The following AMBN variants were observed in gnomAD, a reference collection of about 807,000 sequenced individuals.
The protein encoded by AMBN is enamel matrix protein.
In AMBN, 54 loss-of-function variants were observed where a neutral mutation model predicts 48.0. The ratio of observed to expected loss-of-function variants is 1.12; its 90% confidence interval spans 0.90 to 1.41. The LOEUF (loss-of-function observed/expected upper bound fraction) is 1.41, where lower values mean the gene tolerates loss of function less well. Among genes scored for constraint, AMBN ranks in the 40% most tolerant of loss-of-function variants. The probability of loss-of-function intolerance (pLI) is 0.00; values close to 1 mark genes in which losing one functional copy is unlikely to be tolerated. For synonymous variants in AMBN, 186 were observed against 190.0 expected, an observed-to-expected ratio of 0.98 and a Z score of 0.17; for missense variants, 571 against 547.3, an observed-to-expected ratio of 1.04 and a Z score of -0.43.
intron 12 of AMBN, 67 bp from the exon 13 acceptor site, chr4:70,606,118 G>A: frequency 6.4e-7 from 1 of 1,557,768 alleles, no homozygotes; most frequent in Non-Finnish European, 8.7e-7. Flanking sequence ...ATGTGACCAG[G>A]TATAGCTGCA....
At chr4:70,593,616 G>A (rs1381475940) in intron 2 of AMBN, among the ~76,000 whole-genome samples, 1 of 152,158 alleles carries the variant, frequency 6.6e-6, no homozygotes, top group African/African-American at 2.4e-5. Flanking sequence ...TGTAATCCCA[G>A]CACTTTGGGA....
At position 70,606,686 on chromosome 4, in the gene AMBN, G is replaced by C. The variant is rs1737664323; in HGVS notation, c.1300G>C (p.Glu434Gln). Residue 434 changes from glutamate to glutamine, a missense_variant, in exon 13 of 13, where the codon GAG (glutamate) becomes CAG (glutamine). By Grantham distance (29) the Glu-to-Gln change is conservative. Coordinates refer to ENST00000322937, the MANE Select transcript of AMBN (RefSeq NM_016519.6). ...QTSMPGNKAQ[E>Q]PEMMHDAWHF... ...ATCCATGCCAGGAAACAAAGCCCAG[G>C]AGCCCGAGATGATGCATGACGCATG... The C allele has an allele frequency of 6.2e-7, 1 of 1,613,912 alleles. No homozygotes were observed. Among genetic ancestry groups the C allele is most frequent in the Admixed American group, 1.7e-5 (1 of 60,002 alleles).
intron 6 of AMBN, chr4:70,601,882 C>T (rs1419127740): frequency 1.6e-6 from 1 of 638,894 alleles, no homozygotes; most frequent in East Asian, 3.2e-5. Flanking sequence ...AGATACTGTG[C>T]CTATAAAACT....
At chr4:70,601,691 A>G (rs764991108) in intron 6 of AMBN, 37 bp downstream of exon 6, 1 of 1,590,640 alleles carries the variant, frequency 6.3e-7, no homozygotes, top group East Asian at 2.2e-5. Flanking sequence ...CAGAATCACC[A>G]GCTAACCTAA....
At chr4:70,596,383 A>G (rs1737385889) in intron 2 of AMBN, among the ~76,000 whole-genome samples, 1 of 152,140 alleles carries the variant, frequency 6.6e-6, no homozygotes, top group Non-Finnish European at 1.5e-5. Flanking sequence ...GTATAATAGT[A>G]TTTTGTGCTA....
Position 70,601,247 on chromosome 4 carries a change from C to T in AMBN, c.295-171C>T, listed in dbSNP as rs1242893677. 3.3e-5 allele frequency among the ~76,000 whole-genome samples: 5 copies of T among 152,038 alleles called. No individual in the cohort carries two copies. In the South Asian group the frequency reaches 1.0e-3, roughly 32 times the overall value. On this transcript the variant is annotated intron_variant, in intron 5 of 12. Coordinates refer to ENST00000322937, the MANE Select transcript of AMBN (RefSeq NM_016519.6). The stretch of plus-strand genomic sequence containing the variant: ...TAGGGGAGGCACACACAAGACCTCC[C>T]CAAACAACATTAACACTAACTGGTG...
rs1487918357 is a variant in AMBN, at chr4:70,592,289, GA to G, written c.-63del. 6 of 1,571,716 alleles carry G rather than the reference GA, an allele frequency of 3.8e-6. No homozygotes were observed. Among genetic ancestry groups the G allele is most frequent in the African/African-American group, 2.7e-5 (2 of 73,892 alleles). On this transcript the variant is annotated 5_prime_UTR_variant, in exon 1 of 13. Coordinates refer to ENST00000322937, the MANE Select transcript of AMBN (RefSeq NM_016519.6). ...CAGAGCAAGTCCCACGCACAGTCCTGAAAAAAATTTTAATCTTCTTTTCTTA... is the reference window on the plus strand; with the variant it reads ...CAGAGCAAGTCCCACGCACAGTCCTGAAAAAATTTTAATCTTCTTTTCTTA...
intron 11 of AMBN, 95 bp downstream of exon 11, chr4:70,603,555 A>G (rs2109804329): frequency 7.9e-7 from 1 of 1,260,212 alleles, no homozygotes; most frequent in South Asian, 1.3e-5. Context: ...GAGATTCCAA[A>G]TAAACATTCT....
intron 4 of AMBN, among the ~76,000 whole-genome samples, chr4:70,598,619 G>A (rs1010310957): frequency 1.3e-5 from 2 of 152,082 alleles, no homozygotes; most frequent in African/African-American, 2.4e-5. Context: ...ATCTTTTCCT[G>A]CATTATTAAT....
chr4:70,601,674 G>T lies in AMBN; in HGVS notation c.531+20G>T. ...CCTGAGGTACTTCCTTTCTCTTGAA[G>T]TCAGATCAGAATCACCAGCTAACCT... On this transcript the variant is annotated intron_variant, in intron 6 of 12. Transcript: ENST00000322937. 6.2e-7 allele frequency: 1 copy of T among 1,608,318 alleles called. No homozygotes were observed. The highest frequency in any genetic ancestry group is 8.5e-7 in the Non-Finnish European group (1 of 1,175,728).
At chr4:70,593,840 G>A (rs932189724) in intron 2 of AMBN, among the ~76,000 whole-genome samples, 1 of 148,218 alleles carries the variant, frequency 6.7e-6, no homozygotes, top group Non-Finnish European at 1.5e-5. Flanking sequence ...ACTCCAGCCT[G>A]GGTGACGGAG....
At chr4:70,593,209 C>A in intron 1 of AMBN, 118 bp from the exon 2 acceptor site, 1 of 716,472 alleles carries the variant, frequency 1.4e-6, no homozygotes. Context: ...GTTCTTCTAA[C>A]CTTTATCCCG....
At chr4:70,606,123 G>A (rs1188994664) in intron 12 of AMBN, 62 bp from the exon 13 acceptor site, 1 of 1,561,120 alleles carries the variant, frequency 6.4e-7, no homozygotes, top group African/African-American at 1.4e-5. Context: ...ACCAGGTATA[G>A]CTGCATGGTA....
intron 2 of AMBN, among the ~76,000 whole-genome samples, chr4:70,596,783 T>C (rs1037525432): frequency 6.6e-6 from 1 of 152,354 alleles, no homozygotes; most frequent in African/African-American, 2.4e-5. Context: ...GGATAGATGA[T>C]GCAGGTGGGA....
chr4:70,606,347 G>A lies in AMBN; in HGVS notation c.961G>A (p.Gly321Arg), dbSNP rs1737645648. The change falls in exon 13 of 13, where the codon GGA (glycine) becomes AGA (arginine). Residue 321 changes from glycine to arginine, a missense_variant. Transcript: ENST00000322937. ...AATKGPENEE[G>R]GAQGSPMPEA... ...CACCAAAGGCCCTGAGAACGAAGAA[G>A]GAGGTGCACAAGGCTCCCCTATGCC... The A allele has an allele frequency of 3.1e-6, 5 of 1,614,046 alleles. No individual in the cohort carries two copies. The East Asian group carries it at 1.1e-4, about 36-fold the overall frequency.
Position 70,606,666 on chromosome 4 carries a change from T to C in AMBN, c.1280T>C (p.Met427Thr), listed in dbSNP as rs746813256. 3.7e-6 allele frequency: 6 copies of C among 1,613,902 alleles called. No homozygotes were observed. The highest frequency in any genetic ancestry group is 2.7e-5 in the African/African-American group (2 of 74,894). ...GCCCCAAACTCTCTGCAAACATCCATGCCAGGAAACAAAGCCCAGGAGCCC... is the reference window on the plus strand; with the variant it reads ...GCCCCAAACTCTCTGCAAACATCCACGCCAGGAAACAAAGCCCAGGAGCCC... Reference protein sequence around the residue: ...TMAPNSLQTSMPGNKAQEPEM... With the variant: ...TMAPNSLQTSTPGNKAQEPEM... The change falls in exon 13 of 13, where the codon ATG becomes ACG. Residue 427 changes from methionine (M) to threonine (T), a missense_variant. By Grantham distance (81) the Met-to-Thr change is moderately conservative. Coordinates refer to ENST00000322937, the MANE Select transcript of AMBN (RefSeq NM_016519.6).
rs1025864734 is a variant in AMBN, at chr4:70,606,493, A to C, written c.1107A>C (p.Ser369=). The stretch of plus-strand genomic sequence containing the variant: ...TTCCCGGCCTGCCAAGGAGCCCTTC[A>C]GGGAAGATGAAGGGACTCCCCAGCG... The part of the protein sequence containing the change: ...DDIPGLPRSP[S]GKMKGLPSVT... The change falls in exon 13 of 13, where the codon TCA becomes TCC. Residue 369 remains serine (S), a synonymous_variant. Coordinates refer to ENST00000322937, the MANE Select transcript of AMBN (RefSeq NM_016519.6). 1.2e-5 allele frequency: 20 copies of C among 1,614,010 alleles called. No homozygotes were observed. The highest frequency in any genetic ancestry group is 1.7e-5 in the Non-Finnish European group (20 of 1,179,976).
At position 70,606,825 on chromosome 4, in the gene AMBN, CAGCAAAGGCATT is replaced by C; in HGVS notation, c.*97_*108del. ...TGCTAAAACACTTATTACCCTTCTG[CAGCAAAGGCATT>C]AAAAGCGCTAAGCATATATTAATAA... is the stretch of plus-strand genomic sequence containing the variant. On this transcript the variant is annotated 3_prime_UTR_variant, in exon 13 of 13. Coordinates refer to ENST00000322937, the MANE Select transcript of AMBN (RefSeq NM_016519.6). 2 of 1,341,764 alleles carry C rather than the reference CAGCAAAGGCATT, an allele frequency of 1.5e-6. No homozygotes were observed. The highest frequency in any genetic ancestry group is 2.0e-6 in the Non-Finnish European group (2 of 1,000,972). The allele number at this position is 1,341,764 out of a possible 1,614,324, so 83.1% of individuals were successfully genotyped here.
Position 70,606,382 on chromosome 4 carries a change from C to G in AMBN, c.996C>G (p.Asn332Lys). The part of the protein sequence containing the change: ...GAQGSPMPEA[N>K]PDNLENPAFL... ...AAGGCTCCCCTATGCCGGAGGCCAACCCAGACAATCTAGAAAACCCAGCTT... is the reference window on the plus strand; with the variant it reads ...AAGGCTCCCCTATGCCGGAGGCCAAGCCAGACAATCTAGAAAACCCAGCTT... Residue 332 changes from asparagine (N) to lysine (K), a missense_variant, in exon 13 of 13, where the codon AAC (asparagine) becomes AAG (lysine). Physicochemically the swap from Asn to Lys is moderately conservative, Grantham distance 94. Transcript: ENST00000322937. The G allele has an allele frequency of 6.2e-7, 1 of 1,614,050 alleles. No individual in the cohort carries two copies. The highest frequency in any genetic ancestry group is 8.5e-7 in the Non-Finnish European group (1 of 1,180,004).
Sources: gnomAD v4.1 joint callset for allele counts (sites outside exome capture counted in the v4.1 genomes callset) on GRCh38, gnomAD v4.1.1 for gene constraint, MANE v1.5 for transcripts, NCBI Gene and HGNC (gene_info 2026-07-23, HGNC 2026-07-21) for gene names.